PCDH11X: variants seen among roughly 807,000 people sequenced by gnomAD.
PCDH11X encodes the protein protocadherin-11 X-linked.
PCDH11X carries 18 observed loss-of-function variants against 53.3 expected under a neutral mutation model. That is an observed-to-expected ratio of 0.34 (90% CI 0.23 to 0.50). The LOEUF (loss-of-function observed/expected upper bound fraction) is 0.50, where lower values mean the gene tolerates loss of function less well. PCDH11X is among the 20% of genes least tolerant of loss of function. PCDH11X has a pLI of 0.98. For synonymous variants in PCDH11X, 279 were observed against 393.3 expected, an observed-to-expected ratio of 0.71 and a Z score of 3.44; for missense variants, 570 against 1,032.4, an observed-to-expected ratio of 0.55 and a Z score of 6.14.
At chrX:92,212,316 G>T (rs1419470124) in intron 7 of PCDH11X, among the ~76,000 whole-genome samples, 2 of 110,341 alleles carry the variant, frequency 1.8e-5, no homozygotes, top group African/African-American at 6.6e-5. Context: ...TTGACCCTTG[G>T]AATGCTCTCT....
chrX:91,977,656 T>A (rs2062064357), intron 6 of PCDH11X, among the ~76,000 whole-genome samples: 1 of 110,604 alleles, frequency 9.0e-6, no homozygotes, highest in Non-Finnish European at 1.9e-5. Context: ...GAATTCATCT[T>A]CTCTTTTTTC....
chrX:92,089,194 T>C lies in PCDH11X; in HGVS notation c.3034-112181T>C, dbSNP rs569480885. Among the ~76,000 whole-genome samples the C allele has an allele frequency of 3.1e-4, 34 of 110,200 alleles. No homozygotes were observed. The South Asian group carries it at 0.013, about 42-fold the overall frequency. ...TTATAAGTTGTGATATAACTATACA[T>C]ATAATATAGAAGACACATGTTTTAA... is the stretch of plus-strand genomic sequence containing the variant. On this transcript the variant is annotated intron_variant, in intron 6 of 10. Transcript: ENST00000682573.
chrX:92,344,940 A>G (rs1482117670), intron 8 of PCDH11X, among the ~76,000 whole-genome samples: 5 of 107,077 alleles, frequency 4.7e-5, no homozygotes, highest in Non-Finnish European at 9.7e-5. Context: ...GAATAGGGCT[A>G]TTTCCTGCTA....
chrX:91,969,203 T>C (rs2061910789), intron 6 of PCDH11X, among the ~76,000 whole-genome samples: 1 of 109,843 alleles, frequency 9.1e-6, no homozygotes, highest in African/African-American at 3.3e-5. Flanking sequence ...TAAAAAGTGA[T>C]TACCTCAGAA....
intron 9 of PCDH11X, among the ~76,000 whole-genome samples, chrX:92,439,182 T>C (rs1340811218): frequency 2.7e-5 from 3 of 110,866 alleles, no homozygotes; most frequent in Non-Finnish European, 5.7e-5. Context: ...AAACTGAGTT[T>C]ATGAACTGTC....
chrX:92,410,745 T>A (rs1341286609), intron 9 of PCDH11X, among the ~76,000 whole-genome samples: 3 of 96,047 alleles, frequency 3.1e-5, no homozygotes, highest in Non-Finnish European at 5.9e-5. Context: ...GAAGCTCGTA[T>A]TTTGAATCAA....
intron 6 of PCDH11X, among the ~76,000 whole-genome samples, chrX:91,986,545 A>T (rs1326578996): frequency 9.1e-6 from 1 of 109,631 alleles, no homozygotes; most frequent in Non-Finnish European, 1.9e-5. Context: ...AACTCAGTGG[A>T]CTAAAATCAT....
At chrX:92,238,210 T>C (rs2067204581) in intron 7 of PCDH11X, among the ~76,000 whole-genome samples, 1 of 111,777 alleles carries the variant, frequency 8.9e-6, no homozygotes, top group Non-Finnish European at 1.9e-5. Flanking sequence ...TGGTTATTTG[T>C]GTTGCTTGGG....
chrX:92,100,816 CA>C (rs1475349543), intron 6 of PCDH11X, among the ~76,000 whole-genome samples: 2 of 110,537 alleles, frequency 1.8e-5, no homozygotes, highest in African/African-American at 6.6e-5. Context: ...CAAGCGGGAT[CA>C]GGGGCAGTGT....
chrX:92,434,143 CTATT>C (rs1403373463), intron 9 of PCDH11X, among the ~76,000 whole-genome samples: 9 of 110,885 alleles, frequency 8.1e-5, no homozygotes, highest in African/African-American at 3.0e-4. Context: ...ATCTATCTAT[CTATT>C]TATCTATCTT....
intron 8 of PCDH11X, among the ~76,000 whole-genome samples, chrX:92,316,287 ACTGT>A (rs2069074280): frequency 9.0e-6 from 1 of 111,130 alleles, no homozygotes; most frequent in Non-Finnish European, 1.9e-5. Flanking sequence ...TGTAGAAATA[ACTGT>A]CTGGGAAAAC....
At chrX:92,248,754 G>A (rs1002490960) in intron 7 of PCDH11X, among the ~76,000 whole-genome samples, 4 of 111,372 alleles carry the variant, frequency 3.6e-5, no homozygotes, top group Non-Finnish European at 5.7e-5. Context: ...TCAGTGGTGC[G>A]ATCTTGGCTC....
At chrX:92,253,160 G>A (rs1421293702) in intron 7 of PCDH11X, among the ~76,000 whole-genome samples, 2 of 111,671 alleles carry the variant, frequency 1.8e-5, no homozygotes. Flanking sequence ...TTCTACATAC[G>A]GATATGTAGC....
At chrX:92,014,449 A>C in intron 6 of PCDH11X, among the ~76,000 whole-genome samples, 1 of 109,164 alleles carries the variant, frequency 9.2e-6, no homozygotes, top group Non-Finnish European at 1.9e-5. Context: ...ACTGTAAACT[A>C]GTTCAACCAT....
chrX:92,610,787 G>T (rs2148816367), intron 10 of PCDH11X, among the ~76,000 whole-genome samples: 1 of 110,561 alleles, frequency 9.0e-6, no homozygotes, highest in Admixed American at 9.7e-5. Context: ...TGATAGGTAG[G>T]GGTCCAGTTT....
intron 6 of PCDH11X, among the ~76,000 whole-genome samples, chrX:91,886,844 G>A (rs1226231394): frequency 1.3e-4 from 14 of 107,383 alleles, no homozygotes; most frequent in South Asian, 4.1e-4. Context: ...GGTGGCGGGC[G>A]CCTGTAGTCC....
At chrX:92,271,382 CA>C (rs1025652024) in intron 8 of PCDH11X, among the ~76,000 whole-genome samples, 6 of 111,135 alleles carry the variant, frequency 5.4e-5, no homozygotes, top group African/African-American at 2.0e-4. Context: ...CAAAGAATTG[CA>C]AAAAAGGCAC....
At chrX:92,232,161 A>C (rs193113093) in intron 7 of PCDH11X, among the ~76,000 whole-genome samples, 1 of 112,053 alleles carries the variant, frequency 8.9e-6, no homozygotes, top group Non-Finnish European at 1.9e-5. Context: ...ATTTGATAAA[A>C]AGTTTCTCTG....
chrX:92,132,659 ATATATATATGTATATGTATATATATATG>A (rs1264386276), intron 6 of PCDH11X, among the ~76,000 whole-genome samples: 100 of 55,881 alleles, frequency 1.8e-3, no homozygotes, highest in African/African-American at 3.5e-3. Flanking sequence ...ATATATATGT[ATATATATATGTATATGTATATATATATG>A]TATATATATA....
Sources: gnomAD v4.1 joint callset for allele counts (sites outside exome capture counted in the v4.1 genomes callset) on GRCh38, gnomAD v4.1.1 for gene constraint, MANE v1.5 for transcripts, NCBI Gene and HGNC (gene_info 2026-07-23, HGNC 2026-07-21) for gene names.